The following VPS13D variants were observed in gnomAD, a reference collection of about 807,000 sequenced individuals.
VPS13D encodes the protein vacuolar protein sorting 13 homolog D.
Under a neutral mutation model 461.9 loss-of-function variants are expected in VPS13D, and 187 were observed. The observed-to-expected ratio is 0.40, with a 90% CI of 0.36 to 0.46. VPS13D has a LOEUF of 0.46. Among genes scored for constraint, VPS13D ranks in the 20% least tolerant of loss-of-function variants. The probability of loss-of-function intolerance (pLI) is 0.60; values close to 1 mark genes in which losing one functional copy is unlikely to be tolerated. For synonymous variants in VPS13D, 1,951 were observed against 1,986.3 expected, an observed-to-expected ratio of 0.98 and a Z score of 0.47; for missense variants, 4,711 against 5,364.9, an observed-to-expected ratio of 0.88 and a Z score of 3.81.
At chr1:12,250,292 T>C (rs1473903931) in intron 6 of VPS13D, among the ~76,000 whole-genome samples, 1 of 152,184 alleles carries the variant, frequency 6.6e-6, no homozygotes, top group Admixed American at 6.5e-5. Context: ...TTACTTGATC[T>C]TTCTGTGATG....
rs541239425 is a variant in VPS13D, at chr1:12,378,671, A to T, written c.11081+80A>T. On this transcript the variant is annotated intron_variant, in intron 56 of 69. Transcript: ENST00000620676. The stretch of plus-strand genomic sequence containing the variant: ...GAGGAAATCTACAACAAAAACTAAG[A>T]GTTCTATAAATAAAGTAAAAATGTA... 2.1e-5 allele frequency: 29 copies of T among 1,356,404 alleles called. No individual in the cohort carries two copies. In the East Asian group the frequency reaches 6.8e-4, roughly 32 times the overall value. 84.0% of individuals were successfully genotyped at this position (1,356,404 alleles called of 1,614,324 possible). A position where few individuals can be genotyped will look rare whatever the true frequency, so the allele number is the denominator to read the frequency against.
At chr1:12,263,946 A>AAT (rs1254812933) in intron 13 of VPS13D, among the ~76,000 whole-genome samples, 1 of 152,204 alleles carries the variant, frequency 6.6e-6, no homozygotes, top group East Asian at 1.9e-4. Context: ...GACAGTTTAA[A>AAT]AATGAGCAAG....
chr1:12,456,791 G>A (rs1645336104), intron 66 of VPS13D, among the ~76,000 whole-genome samples: 1 of 152,172 alleles, frequency 6.6e-6, no homozygotes, highest in South Asian at 2.1e-4. Context: ...TGAATGTTGT[G>A]CACATTGCAA....
intron 6 of VPS13D, among the ~76,000 whole-genome samples, chr1:12,250,574 A>G (rs1157844995): frequency 6.6e-6 from 1 of 152,222 alleles, no homozygotes; most frequent in Non-Finnish European, 1.5e-5. Context: ...ACGTTACTGA[A>G]TGTAAAAACC....
At chr1:12,508,542 T>TAAA (rs540771447) in intron 69 of VPS13D, among the ~76,000 whole-genome samples, 15 of 116,252 alleles carry the variant, frequency 1.3e-4, no homozygotes, top group Admixed American at 1.1e-3. Context: ...CATCTCTACT[T>TAAA]AAAAAAAAAA....
chr1:12,278,994 A>G (rs543448156), intron 19 of VPS13D, among the ~76,000 whole-genome samples: 9 of 152,342 alleles, frequency 5.9e-5, no homozygotes, highest in African/African-American at 2.2e-4. Flanking sequence ...TGTGGTCATC[A>G]GATGTTAATT....
At chr1:12,253,918 C>A in intron 7 of VPS13D, 92 bp downstream of exon 7, 1 of 949,136 alleles carries the variant, frequency 1.1e-6, no homozygotes, top group Non-Finnish European at 1.7e-6. Flanking sequence ...TCTTGCCTCT[C>A]TGATTCCAGT....
intron 2 of VPS13D, among the ~76,000 whole-genome samples, chr1:12,241,713 A>G (rs1640380079): frequency 6.6e-6 from 1 of 152,180 alleles, no homozygotes. Context: ...CGGTTATTAC[A>G]CTTGTAAGTA....
At chr1:12,414,076 G>A (rs1570124692) in intron 63 of VPS13D, among the ~76,000 whole-genome samples, 1 of 152,142 alleles carries the variant, frequency 6.6e-6, no homozygotes, top group South Asian at 2.1e-4. Flanking sequence ...TTGAGCCCAG[G>A]TGTTTGAGAC....
intron 13 of VPS13D, among the ~76,000 whole-genome samples, chr1:12,265,768 T>C (rs559358498): frequency 6.6e-6 from 1 of 152,312 alleles, no homozygotes; most frequent in South Asian, 2.1e-4. Flanking sequence ...ATGATCAAAC[T>C]TGAATGGATA....
rs771551029 is a variant in VPS13D at position 12,415,070 on chromosome 1, C to G, written c.12031-17C>G. The G allele has an allele frequency of 3.1e-6, 5 of 1,613,130 alleles. No homozygotes were observed. Among genetic ancestry groups the G allele is most frequent in the African/African-American group, 1.3e-5 (1 of 74,868 alleles). On this transcript the variant is annotated splice_polypyrimidine_tract_variant and intron_variant, in intron 63 of 69. Coordinates refer to ENST00000620676, the MANE Select transcript of VPS13D (RefSeq NM_015378.4). ...TCATATGACTTAAGTATGTCATTTCCTTTCTTCCCTAATTAGGCCCTAAAA... is the reference window on the plus strand; with the variant it reads ...TCATATGACTTAAGTATGTCATTTCGTTTCTTCCCTAATTAGGCCCTAAAA...
In VPS13D at chr1:12,335,811, T is replaced by G. The variant is rs1399820203; in HGVS notation, c.8535T>G (p.Pro2845=). ...ACTGGATGGGCTCTTCGGTGGATCC[T>G]CCATGTTTTGGACAAAGTAAGAGTT... ...SEDWMGSSVD[P]PCFGQSLPLV... Residue 2845 remains proline (P), a synonymous_variant, in exon 39 of 70, where the codon CCT becomes CCG. Transcript: ENST00000620676. The G allele has an allele frequency of 6.2e-7, 1 of 1,614,040 alleles. No individual in the cohort carries two copies. Among genetic ancestry groups the G allele is most frequent in the African/African-American group, 1.3e-5 (1 of 74,928 alleles).
rs1321639478 is a variant in VPS13D, at chr1:12,260,785, A to G, written c.1203A>G (p.Glu401=). Residue 401 remains glutamate, a synonymous_variant, in exon 11 of 70, where the codon GAA becomes GAG. Coordinates refer to ENST00000620676, the MANE Select transcript of VPS13D (RefSeq NM_015378.4). ...ATGATCGATTTCACAAACAGGAAGAACTAGCAGAGGTAAGAAATCCTCTAC... is the reference window on the plus strand; with the variant it reads ...ATGATCGATTTCACAAACAGGAAGAGCTAGCAGAGGTAAGAAATCCTCTAC... The part of the protein sequence containing the change: ...LVHDRFHKQE[E]LAESLREPQF... 1.9e-6 allele frequency: 3 copies of G among 1,614,060 alleles called. No homozygotes were observed. The highest frequency in any genetic ancestry group is 1.1e-5 in the South Asian group (1 of 91,082).
intron 35 of VPS13D, among the ~76,000 whole-genome samples, chr1:12,324,510 A>G (rs146665843): frequency 1.6e-4 from 24 of 152,248 alleles, no homozygotes; most frequent in African/African-American, 5.5e-4. Flanking sequence ...TCTCAAAAAA[A>G]AAGGGGCTCT....
At chr1:12,476,847 A>G (rs936403648) in intron 67 of VPS13D, among the ~76,000 whole-genome samples, 16 of 152,254 alleles carry the variant, frequency 1.1e-4, no homozygotes, top group African/African-American at 3.4e-4. Context: ...CGGAATGGCA[A>G]ATTCACTTAC....
At chr1:12,334,669 G>C (rs1173777239) in intron 38 of VPS13D, among the ~76,000 whole-genome samples, 1 of 152,228 alleles carries the variant, frequency 6.6e-6, no homozygotes, top group African/African-American at 2.4e-5. Context: ...GGAGGCTGAG[G>C]TGGAAGGATT....
Position 12,318,329 on chromosome 1 carries a change from A to T in VPS13D, c.7406A>T (p.Asn2469Ile). 1 of 1,608,814 alleles carries T rather than the reference A, an allele frequency of 6.2e-7. No homozygotes were observed. Among genetic ancestry groups the T allele is most frequent in the Non-Finnish European group, 8.5e-7 (1 of 1,175,624 alleles). The change falls in exon 31 of 70, where the codon AAT (asparagine) becomes ATT (isoleucine). Residue 2469 changes from asparagine (N) to isoleucine (I), a missense_variant. Physicochemically the swap from Asn to Ile is moderately radical, Grantham distance 149 (BLOSUM62 -3). Coordinates refer to ENST00000620676, the MANE Select transcript of VPS13D (RefSeq NM_015378.4). Reference protein sequence around the residue: ...SNERHLEVKVNVTGTEFVVIE... With the variant: ...SNERHLEVKVIVTGTEFVVIE... ...GAAAGGCACCTGGAGGTCAAGGTCA[A>T]TGTAACAGGTGATTATATGTGGGTG... is the stretch of plus-strand genomic sequence containing the variant.
chr1:12,504,581 A>G (rs1218940878), intron 68 of VPS13D, among the ~76,000 whole-genome samples: 2 of 152,136 alleles, frequency 1.3e-5, no homozygotes, highest in Non-Finnish European at 2.9e-5. Context: ...TCCATCAGAG[A>G]GATGAAAGAG....
intron 65 of VPS13D, among the ~76,000 whole-genome samples, chr1:12,432,053 T>A (rs936066029): frequency 5.9e-5 from 9 of 152,234 alleles, no homozygotes; most frequent in African/African-American, 2.2e-4. Context: ...TGTTTTTCTC[T>A]GTATGTTGTT....
Sources: allele counts gnomAD v4.1 joint callset (sites outside exome capture counted in the v4.1 genomes callset), GRCh38; gene constraint gnomAD v4.1.1; transcripts MANE v1.5; gene names NCBI Gene and HGNC (gene_info 2026-07-23, HGNC 2026-07-21).